The following RALGAPA2 variants were observed in gnomAD, a reference collection of about 807,000 sequenced individuals.
The protein encoded by RALGAPA2 is ral GTPase-activating protein subunit alpha-2.
Under a neutral mutation model 230.4 loss-of-function variants are expected in RALGAPA2, and 139 were observed. That is an observed-to-expected ratio of 0.60 (90% CI 0.53 to 0.69). The LOEUF (loss-of-function observed/expected upper bound fraction) is 0.69, where lower values mean the gene tolerates loss of function less well. RALGAPA2 is among the 30% of genes least tolerant of loss of function. The pLI, the probability that RALGAPA2 is intolerant of heterozygous loss-of-function variation, is 0.00. For synonymous variants in RALGAPA2, 847 were observed against 837.8 expected, an observed-to-expected ratio of 1.01 and a Z score of -0.19; for missense variants, 2,163 against 2,276.0, an observed-to-expected ratio of 0.95 and a Z score of 1.01.
intron 37 of RALGAPA2, among the ~76,000 whole-genome samples, chr20:20,442,673 T>C (rs191611309): frequency 6.6e-6 from 1 of 152,362 alleles, no homozygotes; most frequent in Admixed American, 6.5e-5. Context: ...TCCAGTAACA[T>C]TATCTCTGAA....
chr20:20,582,558 T>TA (rs2065019452), intron 20 of RALGAPA2, among the ~76,000 whole-genome samples: 1 of 151,990 alleles, frequency 6.6e-6, no homozygotes, highest in Non-Finnish European at 1.5e-5. Context: ...AGGAAATTAG[T>TA]ATAAAAACAA....
In RALGAPA2 at chr20:20,525,235, A is replaced by C. The variant is rs143679266; in HGVS notation, c.3694-337T>G. Among the ~76,000 whole-genome samples, 380 of 152,326 alleles carry C rather than the reference A, an allele frequency of 2.5e-3. 5 individuals are homozygous for C. The highest frequency in any genetic ancestry group is 8.6e-3 in the African/African-American group (359 of 41,566). ...AATACTTCTAAAAATAATTATGAAAATGCTCCCATTTTAGTTTTATTGTAA... is the reference window on the plus strand; with the variant it reads ...AATACTTCTAAAAATAATTATGAAACTGCTCCCATTTTAGTTTTATTGTAA... On this transcript the variant is annotated intron_variant, in intron 28 of 39. Transcript: ENST00000202677.
At chr20:20,632,733 T>C (rs2066718036) in intron 9 of RALGAPA2, among the ~76,000 whole-genome samples, 1 of 151,484 alleles carries the variant, frequency 6.6e-6, no homozygotes, top group African/African-American at 2.4e-5. Context: ...TAACTGCATT[T>C]CTCTGACTGC....
rs141921230 is a variant in RALGAPA2 at position 20,577,603 on chromosome 20, C to T, written c.2708-4535G>A. 2.8e-3 allele frequency among the ~76,000 whole-genome samples: 429 copies of T among 152,180 alleles called. 2 individuals carry two copies. The highest frequency in any genetic ancestry group is 9.9e-3 in the African/African-American group (412 of 41,528). On this transcript the variant is annotated intron_variant, in intron 20 of 39. Coordinates refer to ENST00000202677, the MANE Select transcript of RALGAPA2 (RefSeq NM_020343.4). Reference sequence around the variant, plus strand: ...GGGTTCTCTGACTTTTATAAAACCTCGGAAGAAAGACTCATCATCCTAATT... The same window carrying T: ...GGGTTCTCTGACTTTTATAAAACCTTGGAAGAAAGACTCATCATCCTAATT...
At chr20:20,689,139 G>A (rs185997235) in intron 1 of RALGAPA2, among the ~76,000 whole-genome samples, 1 of 152,146 alleles carries the variant, frequency 6.6e-6, no homozygotes, top group Admixed American at 6.5e-5. Flanking sequence ...ATCCTCCTCA[G>A]CACTAAAATT....
intron 24 of RALGAPA2, among the ~76,000 whole-genome samples, chr20:20,539,958 A>G (rs1299295886): frequency 3.3e-5 from 5 of 152,234 alleles, no homozygotes; most frequent in Non-Finnish European, 7.3e-5. Flanking sequence ...TTAAAGGCTG[A>G]ATAACACTCC....
chr20:20,400,002 GA>G (rs1302542678), intron 38 of RALGAPA2, among the ~76,000 whole-genome samples: 2 of 152,220 alleles, frequency 1.3e-5, no homozygotes, highest in Non-Finnish European at 2.9e-5. Flanking sequence ...ATGAGGGAGA[GA>G]AACAGTGGAC....
intron 39 of RALGAPA2, among the ~76,000 whole-genome samples, chr20:20,395,347 G>T (rs6046828): frequency 1.3e-5 from 2 of 152,222 alleles, no homozygotes; most frequent in African/African-American, 2.4e-5. Context: ...CGGGACACAA[G>T]GTACGGCCGC....
At chr20:20,654,859 C>T (rs2067533761) in intron 3 of RALGAPA2, among the ~76,000 whole-genome samples, 1 of 152,150 alleles carries the variant, frequency 6.6e-6, no homozygotes, top group Non-Finnish European at 1.5e-5. Flanking sequence ...ACACTCCCAC[C>T]AACAGTATAC....
At position 20,512,589 on chromosome 20, in the gene RALGAPA2, G is replaced by C. The variant is rs534889854; in HGVS notation, c.4780C>G (p.Pro1594Ala). Residue 1594 changes from proline to alanine, a missense_variant, in exon 32 of 40, where the codon CCA becomes GCA. Pro to Ala is a conservative substitution (Grantham distance 27, BLOSUM62 -1). Transcript: ENST00000202677. ...MKVTSQGQPS[P>A]VEPRGPFYFC... ...TAAAAGGGTCCTCGGGGCTCCACTG[G>C]GGAGGGCTGCCCTTGGCTGGTGACT... 6.2e-7 allele frequency: 1 copy of C among 1,613,870 alleles called. No homozygotes were observed. The highest frequency in any genetic ancestry group is 1.1e-5 in the South Asian group (1 of 91,072).
intron 38 of RALGAPA2, 46 bp downstream of exon 38, chr20:20,411,981 C>T (rs778110301): frequency 3.7e-6 from 6 of 1,607,842 alleles, no homozygotes; most frequent in South Asian, 3.3e-5. Context: ...ATCTGCTGCT[C>T]GAATGCGTCT....
chr20:20,636,773 T>G (rs553550086), intron 8 of RALGAPA2, among the ~76,000 whole-genome samples: 2 of 152,320 alleles, frequency 1.3e-5, no homozygotes, highest in Non-Finnish European at 2.9e-5. Context: ...TAAGGGATGC[T>G]TCTGTCCTGT....
chr20:20,576,696 A>G (rs373108757), intron 20 of RALGAPA2, among the ~76,000 whole-genome samples: 93 of 152,224 alleles, frequency 6.1e-4, no homozygotes, highest in African/African-American at 2.1e-3. Flanking sequence ...TTCTCTTTCT[A>G]CGGAATGGGA....
In RALGAPA2 at chr20:20,635,610, G is replaced by A; in HGVS notation, c.813C>T (p.Pro271=). Residue 271 remains proline (P), a synonymous_variant, in exon 9 of 40, where the codon CCC becomes CCT. Coordinates refer to ENST00000202677, the MANE Select transcript of RALGAPA2 (RefSeq NM_020343.4). ...TNIYKPVLDI[P]HLRPKPVYIT... is the part of the protein sequence containing the mutation. The stretch of plus-strand genomic sequence containing the variant: ...TGTACACAGGCTTTGGTCTCAAATG[G>A]GGGATGTCTGGTAGAAGAAAGAACA... 6.5e-7 allele frequency: 1 copy of A among 1,538,718 alleles called. No individual in the cohort carries two copies. The highest frequency in any genetic ancestry group is 8.7e-7 in the Non-Finnish European group (1 of 1,147,076).
intron 37 of RALGAPA2, among the ~76,000 whole-genome samples, chr20:20,464,074 G>A (rs774229411): frequency 6.6e-5 from 10 of 152,154 alleles, no homozygotes; most frequent in Non-Finnish European, 8.8e-5. Context: ...AGGACGAAGC[G>A]CCAGGAGGCT....
intron 17 of RALGAPA2, among the ~76,000 whole-genome samples, chr20:20,589,762 G>T (rs971542487): frequency 6.6e-6 from 1 of 151,786 alleles, no homozygotes. Context: ...TGAGAATAAA[G>T]ATTGACGAAA....
chr20:20,415,361 A>G (rs2060145305), intron 37 of RALGAPA2, among the ~76,000 whole-genome samples: 1 of 152,246 alleles, frequency 6.6e-6, no homozygotes. Context: ...AATACTAGCC[A>G]TGGCCCTTTT....
chr20:20,393,415 A>T (rs1333851091), intron 39 of RALGAPA2, among the ~76,000 whole-genome samples, 162 bp from the exon 40 acceptor site: 1 of 152,240 alleles, frequency 6.6e-6, no homozygotes, highest in African/African-American at 2.4e-5. Context: ...TTGTTGAATG[A>T]ATAAACACAT....
intron 14 of RALGAPA2, among the ~76,000 whole-genome samples, chr20:20,610,576 A>G (rs1347388674): frequency 6.6e-6 from 1 of 152,138 alleles, no homozygotes; most frequent in Non-Finnish European, 1.5e-5. Context: ...CCCATTGGTG[A>G]GCAAACATAC....
Sources: allele counts gnomAD v4.1 joint callset (sites outside exome capture counted in the v4.1 genomes callset), GRCh38; gene constraint gnomAD v4.1.1; transcripts MANE v1.5; gene names NCBI Gene and HGNC (gene_info 2026-07-23, HGNC 2026-07-21).